GDPD4: variants seen among roughly 807,000 people sequenced by gnomAD.
The protein encoded by GDPD4 is glycerophosphodiester phosphodiesterase domain containing 4, also known as glycerophosphodiester phosphodiesterase 6.
In GDPD4, 60 loss-of-function variants were observed where a neutral mutation model predicts 67.8. The ratio of observed to expected loss-of-function variants is 0.88; its 90% CI spans 0.72 to 1.10. The LOEUF (loss-of-function observed/expected upper bound fraction) is 1.10. Among genes scored for constraint, GDPD4 ranks in the 50% least tolerant of loss-of-function variants. GDPD4 has a pLI of 0.00. For synonymous variants in GDPD4, 212 were observed against 210.9 expected (o/e 1.00, Z -0.04); for missense variants, 623 against 613.9 (o/e 1.01, Z -0.16).
At chr11:77,276,126 G>A (rs765974996) in intron 5 of GDPD4, 35 bp downstream of exon 5, 1 of 1,531,682 alleles carries the variant, frequency 6.5e-7, no homozygotes, top group Non-Finnish European at 9.0e-7. Flanking sequence ...TTCAGTCCTG[G>A]TCTAAGGTTT....
Position 77,217,045 on chromosome 11 carries a change from G to C in GDPD4, c.*232C>G. The C allele has an allele frequency of 2.8e-6, 2 of 703,996 alleles. No homozygotes were observed. The highest frequency in any genetic ancestry group is 5.2e-6 in the Non-Finnish European group (2 of 385,030). The allele number at this position is 703,996 out of a possible 1,614,324, so 43.6% of individuals were successfully genotyped here. ...TTGTAGCCTGCCTGGTGGGTGCTTG[G>C]GTGAGTTCAAAGACCACGGTGGGCA... On this transcript the variant is annotated 3_prime_UTR_variant, in exon 17 of 17. Transcript: ENST00000315938.
intron 8 of GDPD4, among the ~76,000 whole-genome samples, chr11:77,269,330 G>T (rs529784389): frequency 1.3e-5 from 2 of 152,282 alleles, no homozygotes; most frequent in African/African-American, 4.8e-5. Context: ...GGGCTCAACT[G>T]TACAGGGGAC....
chr11:77,265,242 T>C (rs1189803501), intron 10 of GDPD4, among the ~76,000 whole-genome samples: 1 of 152,144 alleles, frequency 6.6e-6, no homozygotes, highest in Non-Finnish European at 1.5e-5. Flanking sequence ...ATTTGTAGAC[T>C]AGCCAAAGAA....
chr11:77,223,029 G>A (rs1345884229), intron 16 of GDPD4, among the ~76,000 whole-genome samples: 2 of 152,144 alleles, frequency 1.3e-5, no homozygotes, highest in African/African-American at 4.8e-5. Context: ...TGAAGCTTGT[G>A]CATGTGTCAC....
intron 16 of GDPD4, among the ~76,000 whole-genome samples, chr11:77,222,203 G>A (rs899545432): frequency 2.0e-5 from 3 of 151,978 alleles, no homozygotes; most frequent in Non-Finnish European, 2.9e-5. Context: ...TTTTAATTGG[G>A]GCATTTAGCC....
At chr11:77,265,692 T>C (rs2135866618) in intron 10 of GDPD4, among the ~76,000 whole-genome samples, 1 of 152,322 alleles carries the variant, frequency 6.6e-6, no homozygotes, top group South Asian at 2.1e-4. Context: ...TTAGTTTACA[T>C]GAACTTATTT....
At position 77,268,337 on chromosome 11, in the gene GDPD4, ATGAACACAGGAACAAC is replaced by A; in HGVS notation, c.707+104_707+119del. 3 of 701,926 alleles carry A rather than the reference ATGAACACAGGAACAAC, an allele frequency of 4.3e-6. No individual in the cohort carries two copies. The South Asian group carries it at 5.0e-5, about 12-fold the overall frequency. 43.5% of individuals were successfully genotyped at this position (701,926 alleles called of 1,614,324 possible). On this transcript the variant is annotated intron_variant, in intron 10 of 16. Transcript: ENST00000315938. ...TGTGTAGTACATGCATATATGCCAT[ATGAACACAGGAACAAC>A]TCCCCAGGGCTTGCTGTCTCTACAA...
Position 77,268,682 on chromosome 11 carries a change from C to T in GDPD4, c.625-143G>A, listed in dbSNP as rs929214444. 112 of 755,120 alleles carry T rather than the reference C, an allele frequency of 1.5e-4. 1 individual carries two copies. The highest frequency in any genetic ancestry group is 2.7e-4 in the South Asian group (16 of 59,190). 46.8% of individuals were successfully genotyped at this position (755,120 alleles called of 1,614,324 possible). A position where few individuals can be genotyped will look rare whatever the true frequency, so the allele number is the denominator to read the frequency against. On this transcript the variant is annotated intron_variant, in intron 9 of 16. Transcript: ENST00000315938. ...CTCCTTTCAAAACCTGTATACCCTC[C>T]GTCCAAGCTGATTCTGGGACTCTGC...
chr11:77,227,735 T>TG, intron 16 of GDPD4, 129 bp downstream of exon 16: 1 of 426,390 alleles, frequency 2.3e-6, no homozygotes. Context: ...CCCTGGTCCC[T>TG]CCCCCAACCC....
At chr11:77,299,735 G>A (rs1938096964) in intron 1 of GDPD4, among the ~76,000 whole-genome samples, 2 of 152,150 alleles carry the variant, frequency 1.3e-5, no homozygotes, top group South Asian at 2.1e-4. Flanking sequence ...CTGCCTCACC[G>A]GATGTCTGTT....
At chr11:77,220,650 A>T (rs1358253563) in intron 16 of GDPD4, among the ~76,000 whole-genome samples, 1 of 107,094 alleles carries the variant, frequency 9.3e-6, no homozygotes, top group East Asian at 2.7e-4. Context: ...CATCAGGGAT[A>T]TTGGTCTAAA....
At chr11:77,218,359 G>A (rs1157726264) in intron 16 of GDPD4, among the ~76,000 whole-genome samples, 1 of 152,102 alleles carries the variant, frequency 6.6e-6, no homozygotes, top group Admixed American at 6.6e-5. Flanking sequence ...ACCAGAGGCT[G>A]TGAATCTTTG....
intron 5 of GDPD4, among the ~76,000 whole-genome samples, chr11:77,273,004 A>G (rs113826887): frequency 0.016 from 2,488 of 152,230 alleles, 22 homozygotes; most frequent in African/African-American, 0.026. Context: ...GCCAGTCAAT[A>G]TCTTTTAACA....
intron 3 of GDPD4, among the ~76,000 whole-genome samples, chr11:77,283,934 C>A (rs1565542647): frequency 6.7e-6 from 1 of 149,522 alleles, no homozygotes; most frequent in Admixed American, 6.7e-5. Flanking sequence ...CGGCTCACTG[C>A]AACCTCTGCC....
chr11:77,245,552 T>C (rs755647838), intron 11 of GDPD4, 50 bp from the exon 12 acceptor site: 3 of 1,305,936 alleles, frequency 2.3e-6, no homozygotes, highest in Middle Eastern at 2.5e-4. Context: ...CCAGTTCTCC[T>C]ACTATGTAGC....
At chr11:77,293,097 T>C (rs1287483174) in intron 1 of GDPD4, among the ~76,000 whole-genome samples, 2 of 152,190 alleles carry the variant, frequency 1.3e-5, no homozygotes, top group Non-Finnish European at 2.9e-5. Flanking sequence ...TAGAAACTCT[T>C]ACATTAGAAG....
In GDPD4 at chr11:77,270,964, A is replaced by C. The variant is rs568494238; in HGVS notation, c.400+166T>G. The C allele has an allele frequency of 2.5e-4, 146 of 586,578 alleles. 4 individuals are homozygous for C. In the South Asian group the frequency reaches 3.0e-3, roughly 12 times the overall value. The allele number at this position is 586,578 out of a possible 1,614,324, so 36.3% of individuals were successfully genotyped here. A position where few individuals can be genotyped will look rare whatever the true frequency, so the allele number is the denominator to read the frequency against. On this transcript the variant is annotated intron_variant, in intron 7 of 16. Transcript: ENST00000315938. The stretch of plus-strand genomic sequence containing the variant: ...CTATGACAGGCCATTGGCCACTATA[A>C]CAGGGTAGTGAGTGAAAGCACAGGA...
At chr11:77,236,439 G>C (rs1437712069) in intron 13 of GDPD4, among the ~76,000 whole-genome samples, 1 of 151,692 alleles carries the variant, frequency 6.6e-6, no homozygotes, top group East Asian at 1.9e-4. Flanking sequence ...CCAATTAAAA[G>C]TCCGAGATTA....
intron 7 of GDPD4, 184 bp downstream of exon 7, chr11:77,270,946 A>G: frequency 1.8e-6 from 1 of 543,964 alleles, no homozygotes; most frequent in Non-Finnish European, 3.2e-6. Flanking sequence ...ATACTATGAC[A>G]GGCCATTGGC....
Sources: allele counts gnomAD v4.1 joint callset (sites outside exome capture counted in the v4.1 genomes callset), GRCh38; gene constraint gnomAD v4.1.1; transcripts MANE v1.5; gene names NCBI Gene and HGNC (gene_info 2026-07-23, HGNC 2026-07-21).